Variants in EDIL3 observed in about 807,000 individuals in gnomAD.
The protein encoded by EDIL3 is EGF like and discoidin domains 3.
A neutral mutation model predicts 67.4 loss-of-function variants in EDIL3; 37 were observed. The ratio of observed to expected loss-of-function variants is 0.55; its 90% CI spans 0.42 to 0.72. The LOEUF (loss-of-function observed/expected upper bound fraction) is 0.72, where lower values mean the gene tolerates loss of function less well. EDIL3 is among the 30% of genes least tolerant of loss of function. The pLI is 0.00. For missense variants in EDIL3, 527 were observed against 586.3 expected (o/e 0.90, Z 1.04); for synonymous variants, 195 against 196.3 (o/e 0.99, Z 0.05).
At chr5:84,045,574 G>A (rs978433051) in intron 9 of EDIL3, among the ~76,000 whole-genome samples, 1 of 152,066 alleles carries the variant, frequency 6.6e-6, no homozygotes, top group East Asian at 1.9e-4. Flanking sequence ...TTATTACCTA[G>A]AAGCTGCAAG....
intron 3 of EDIL3, among the ~76,000 whole-genome samples, chr5:84,218,416 T>C (rs1359332369): frequency 3.3e-5 from 5 of 152,188 alleles, no homozygotes; most frequent in Admixed American, 6.5e-5. Flanking sequence ...AAACCAATCA[T>C]TAAAGTTTAA....
chr5:84,331,048 G>A (rs183725636), intron 1 of EDIL3, among the ~76,000 whole-genome samples: 1 of 152,302 alleles, frequency 6.6e-6, no homozygotes, highest in East Asian at 1.9e-4. Context: ...CTTGCATGGG[G>A]CCCTAGCCCC....
rs866296556 is a variant in EDIL3, at chr5:84,339,884, A to T, written c.67+44424T>A. On this transcript the variant is annotated intron_variant, in intron 1 of 10. Transcript: ENST00000296591. ...GCCTTAATCTGTTAAAATATACCTA[A>T]TTATTGAATTTTATTCTTGTTCTAA... is the stretch of plus-strand genomic sequence containing the variant. Among the ~76,000 whole-genome samples the T allele has an allele frequency of 1.3e-3, 203 of 152,218 alleles. 1 individual carries two copies. The highest frequency in any genetic ancestry group is 4.4e-3 in the African/African-American group (182 of 41,570).
chr5:84,257,488 G>A (rs1745142234), intron 1 of EDIL3, among the ~76,000 whole-genome samples: 1 of 152,104 alleles, frequency 6.6e-6, no homozygotes, highest in African/African-American at 2.4e-5. Flanking sequence ...GGAGAAAACA[G>A]GTAATAGATT....
intron 3 of EDIL3, among the ~76,000 whole-genome samples, chr5:84,207,477 C>T (rs183508184): frequency 4.9e-4 from 75 of 152,162 alleles, no homozygotes; most frequent in African/African-American, 1.6e-3. Context: ...CTGCCCAAGG[C>T]AATTTATAGA....
chr5:84,070,263 G>A (rs1488448296), intron 6 of EDIL3, among the ~76,000 whole-genome samples: 2 of 152,188 alleles, frequency 1.3e-5, no homozygotes, highest in Non-Finnish European at 2.9e-5. Context: ...CTTGTGACAA[G>A]GTAGAAGGTC....
intron 10 of EDIL3, among the ~76,000 whole-genome samples, chr5:83,955,596 A>G: frequency 6.6e-6 from 1 of 151,708 alleles, no homozygotes. Flanking sequence ...CTTTCTCCAT[A>G]AATTTATTGA....
intron 4 of EDIL3, among the ~76,000 whole-genome samples, chr5:84,165,189 A>T (rs1419867161): frequency 6.6e-6 from 1 of 152,162 alleles, no homozygotes; most frequent in African/African-American, 2.4e-5. Flanking sequence ...GCATACAGCT[A>T]GACTCTGGTC....
chr5:84,032,918 C>A (rs1188907464), intron 9 of EDIL3, among the ~76,000 whole-genome samples: 1 of 152,112 alleles, frequency 6.6e-6, no homozygotes, highest in African/African-American at 2.4e-5. Flanking sequence ...ATGTAACATC[C>A]AACAGTGCTC....
At chr5:84,112,362 A>G (rs764683984) in intron 5 of EDIL3, among the ~76,000 whole-genome samples, 4 of 152,206 alleles carry the variant, frequency 2.6e-5, no homozygotes, top group Non-Finnish European at 5.9e-5. Context: ...AGTAGGCAGA[A>G]CTAGTAATGA....
At chr5:84,075,947 T>TA (rs1746848026) in intron 6 of EDIL3, among the ~76,000 whole-genome samples, 1 of 130,634 alleles carries the variant, frequency 7.7e-6, no homozygotes, top group Non-Finnish European at 1.8e-5. Flanking sequence ...ATTGTGGGTT[T>TA]TATATATATA....
intron 3 of EDIL3, among the ~76,000 whole-genome samples, chr5:84,216,471 G>A: frequency 6.6e-6 from 1 of 152,112 alleles, no homozygotes; most frequent in South Asian, 2.1e-4. Context: ...CTGTTTATAA[G>A]TGAATAAAAA....
At chr5:84,322,835 G>A (rs1378810929) in intron 1 of EDIL3, among the ~76,000 whole-genome samples, 4 of 151,928 alleles carry the variant, frequency 2.6e-5, no homozygotes, top group South Asian at 4.1e-4. Flanking sequence ...ATTTCATCAC[G>A]TACAAGGGAT....
At chr5:84,230,476 C>T (rs1017956986) in intron 2 of EDIL3, among the ~76,000 whole-genome samples, 7 of 151,358 alleles carry the variant, frequency 4.6e-5, no homozygotes, top group Non-Finnish European at 7.4e-5. Context: ...GGCACAATCT[C>T]GGCTCACTGC....
chr5:84,008,737 T>A (rs77137565), intron 9 of EDIL3, among the ~76,000 whole-genome samples: 5,009 of 152,116 alleles, frequency 0.033, 252 homozygotes, highest in African/African-American at 0.11. Flanking sequence ...AGGTTAAAAA[T>A]AAGTGAGGAT....
At chr5:84,103,519 GA>G (rs200008476) in intron 6 of EDIL3, among the ~76,000 whole-genome samples, 2 of 150,138 alleles carry the variant, frequency 1.3e-5, no homozygotes, top group African/African-American at 4.9e-5. Context: ...AAATTTTCAA[GA>G]AAAAAAACAA....
chr5:84,254,556 T>C (rs1192471402), intron 1 of EDIL3, among the ~76,000 whole-genome samples: 1 of 152,186 alleles, frequency 6.6e-6, no homozygotes, highest in East Asian at 1.9e-4. Flanking sequence ...CTCTAATAAA[T>C]ACCTTCTTTA....
intron 9 of EDIL3, among the ~76,000 whole-genome samples, chr5:84,032,275 C>A (rs1468442408): frequency 6.6e-6 from 1 of 152,078 alleles, no homozygotes; most frequent in African/African-American, 2.4e-5. Context: ...CCTTAAAAAT[C>A]CAAACAGCTA....
chr5:84,050,679 CT>C (rs1746318565), intron 9 of EDIL3, among the ~76,000 whole-genome samples: 1 of 152,226 alleles, frequency 6.6e-6, no homozygotes, highest in Non-Finnish European at 1.5e-5. Context: ...CTGCGCCTGG[CT>C]CAGAGGGTCC....
Sources: allele counts gnomAD v4.1 joint callset (sites outside exome capture counted in the v4.1 genomes callset), GRCh38; gene constraint gnomAD v4.1.1; transcripts MANE v1.5; gene names NCBI Gene and HGNC (gene_info 2026-07-23, HGNC 2026-07-21).